Variants in FBXW11 observed in about 807,000 individuals in gnomAD.
The protein encoded by FBXW11 is F-box/WD repeat-containing protein 11.
In FBXW11, 19 loss-of-function variants were observed where a neutral mutation model predicts 77.6. The observed-to-expected ratio is 0.24, with a 90% confidence interval of 0.17 to 0.36. FBXW11 has a LOEUF of 0.36. Ranked by LOEUF, FBXW11 falls within the 10% of genes least tolerant of loss-of-function variation. The pLI is 1.00. For synonymous variants in FBXW11, 235 were observed against 249.4 expected (o/e 0.94, Z 0.54); for missense variants, 334 against 704.2 (o/e 0.47, Z 5.95).
intron 1 of FBXW11, among the ~76,000 whole-genome samples, chr5:172,002,414 ATG>A (rs55720474): frequency 0.017 from 2,372 of 143,728 alleles, 39 homozygotes; most frequent in African/African-American, 0.044. Flanking sequence ...TTTTATATAA[ATG>A]TGTGTGTGTG....
At chr5:171,928,748 T>C (rs1164188780) in intron 2 of FBXW11, among the ~76,000 whole-genome samples, 1 of 152,212 alleles carries the variant, frequency 6.6e-6, no homozygotes, top group Non-Finnish European at 1.5e-5. Flanking sequence ...AAAGCTAGAA[T>C]ATCCATTCAC....
intron 7 of FBXW11, among the ~76,000 whole-genome samples, chr5:171,884,095 G>C (rs777093482): frequency 6.6e-6 from 1 of 152,056 alleles, no homozygotes; most frequent in Non-Finnish European, 1.5e-5. Context: ...TTGGTTCTTG[G>C]TTATGAAATC....
intron 2 of FBXW11, among the ~76,000 whole-genome samples, chr5:171,944,794 C>A (rs1391869943): frequency 6.6e-6 from 1 of 151,958 alleles, no homozygotes; most frequent in East Asian, 1.9e-4. Flanking sequence ...TCAAGATAAT[C>A]TTTCAACTCA....
chr5:171,992,128 G>GAAAAAAA (rs397768542), intron 1 of FBXW11, among the ~76,000 whole-genome samples: 1 of 85,356 alleles, frequency 1.2e-5, no homozygotes. Context: ...AAGAAAAAAA[G>GAAAAAAA]AAAAAAAAAA....
At chr5:171,865,536 CATTTCACAATAAAG>C (rs1483956068) in intron 13 of FBXW11, among the ~76,000 whole-genome samples, 1 of 152,118 alleles carries the variant, frequency 6.6e-6, no homozygotes, top group Non-Finnish European at 1.5e-5. Flanking sequence ...AACATGCAAG[CATTTCACAATAAAG>C]AAGAAAAACA....
intron 1 of FBXW11, among the ~76,000 whole-genome samples, chr5:171,988,512 G>T (rs574469934): frequency 1.3e-5 from 2 of 152,218 alleles, no homozygotes; most frequent in South Asian, 4.2e-4. Context: ...TATAAAAAAG[G>T]AAGGAAGAAA....
At chr5:171,957,489 C>T in intron 2 of FBXW11, 108 bp downstream of exon 2, 1 of 1,062,938 alleles carries the variant, frequency 9.4e-7, no homozygotes, top group Non-Finnish European at 1.4e-6. Flanking sequence ...GAGGGTTACA[C>T]AGAACATTTA....
chr5:171,886,412 G>C (rs1186838159), intron 7 of FBXW11, among the ~76,000 whole-genome samples: 2 of 147,724 alleles, frequency 1.4e-5, no homozygotes, highest in Admixed American at 6.8e-5. Context: ...TCACACACTG[G>C]GGCCTGTTGT....
intron 2 of FBXW11, among the ~76,000 whole-genome samples, chr5:171,950,393 T>C (rs2113253701): frequency 6.6e-6 from 1 of 151,444 alleles, no homozygotes; most frequent in African/African-American, 2.4e-5. Context: ...ATACACTTTA[T>C]ACTTCAAAAA....
intron 1 of FBXW11, among the ~76,000 whole-genome samples, chr5:171,997,658 C>G (rs1049471685): frequency 6.6e-6 from 1 of 152,122 alleles, no homozygotes; most frequent in African/African-American, 2.4e-5. Flanking sequence ...CCAATGATCA[C>G]GTAAACTGGG....
intron 2 of FBXW11, among the ~76,000 whole-genome samples, chr5:171,935,573 T>G (rs1762430814): frequency 6.6e-6 from 1 of 151,852 alleles, no homozygotes; most frequent in South Asian, 2.1e-4. Flanking sequence ...AAAGAAAAAA[T>G]GTTTTCAATC....
chr5:171,949,461 A>C (rs1159316733), intron 2 of FBXW11, among the ~76,000 whole-genome samples: 1 of 152,230 alleles, frequency 6.6e-6, no homozygotes, highest in Admixed American at 6.5e-5. Context: ...CACTAGAAGA[A>C]TATTATAAGA....
chr5:171,875,192 T>C (rs924659246), intron 9 of FBXW11, among the ~76,000 whole-genome samples: 1 of 151,744 alleles, frequency 6.6e-6, no homozygotes, highest in African/African-American at 2.4e-5. Context: ...CAAGGACTGC[T>C]TGAGCACAGG....
At chr5:171,913,151 C>T (rs796530353) in intron 3 of FBXW11, among the ~76,000 whole-genome samples, 14 of 152,170 alleles carry the variant, frequency 9.2e-5, no homozygotes, top group African/African-American at 3.4e-4. Flanking sequence ...AAATAACTTG[C>T]CAAAATAATG....
At position 172,006,613 on chromosome 5, in the gene FBXW11, G is replaced by A; in HGVS notation, c.-111C>T. The A allele has an allele frequency of 7.6e-7, 1 of 1,310,358 alleles. No individual in the cohort carries two copies. 81.2% of individuals were successfully genotyped at this position (1,310,358 alleles called of 1,614,324 possible). On this transcript the variant is annotated 5_prime_UTR_variant, in exon 1 of 14. Transcript: ENST00000517395. ...GGAGGCGGCTATCGCACCCACTCTA[G>A]CTGCCAGCCCGCCCGGGCCGCCGGC...
chr5:171,945,950 A>G (rs777639579), intron 2 of FBXW11, among the ~76,000 whole-genome samples: 4 of 152,134 alleles, frequency 2.6e-5, no homozygotes, highest in African/African-American at 9.7e-5. Context: ...ACTAGGTTAT[A>G]TGGCCAGTTG....
chr5:171,963,813 T>C (rs1764038304), intron 1 of FBXW11, among the ~76,000 whole-genome samples: 1 of 152,188 alleles, frequency 6.6e-6, no homozygotes, highest in African/African-American at 2.4e-5. Context: ...GGAGAATATT[T>C]GCCGCAAACG....
intron 1 of FBXW11, among the ~76,000 whole-genome samples, chr5:171,993,743 G>C (rs764727427): frequency 6.6e-6 from 1 of 152,156 alleles, no homozygotes; most frequent in Non-Finnish European, 1.5e-5. Flanking sequence ...CCTGGGATAA[G>C]GGGATGTCTA....
chr5:171,930,761 A>AT (rs1554102006), intron 2 of FBXW11, among the ~76,000 whole-genome samples: 3 of 68,898 alleles, frequency 4.4e-5, no homozygotes, highest in East Asian at 6.0e-4. Flanking sequence ...AAATAAAAAA[A>AT]TAAAAAAAAA....
Sources: allele counts gnomAD v4.1 joint callset (sites outside exome capture counted in the v4.1 genomes callset), GRCh38; gene constraint gnomAD v4.1.1; transcripts MANE v1.5; gene names NCBI Gene and HGNC (gene_info 2026-07-23, HGNC 2026-07-21).